Variants in PKD1 observed in about 807,000 individuals in gnomAD.
PKD1 encodes the protein polycystin 1, transient receptor potential channel interacting.
A neutral mutation model predicts 361.7 loss-of-function variants in PKD1; 81 were observed. That is an observed-to-expected ratio of 0.22 (90% confidence interval 0.19 to 0.27). The LOEUF is 0.27. PKD1 is among the 10% of genes least tolerant of loss of function. The probability of loss-of-function intolerance (pLI) is 1.00; values close to 1 mark genes in which losing one functional copy is unlikely to be tolerated. For missense variants in PKD1, 6,399 were observed against 6,118.3 expected (o/e 1.05, Z -1.53); for synonymous variants, 3,615 against 2,818.3 (o/e 1.28, Z -8.95).
At chr16:2,107,172 G>A (rs2092368102) in intron 16 of PKD1, 5 of 612,944 alleles carry the variant, frequency 8.2e-6, no homozygotes, top group South Asian at 5.4e-5. Flanking sequence ...GCGTTCTGGT[G>A]TACTGGACCC....
At position 2,090,269 on chromosome 16, in the gene PKD1, A is replaced by C; in HGVS notation, c.12444+16T>G. On this transcript the variant is annotated intron_variant, in intron 45 of 45. Coordinates refer to ENST00000262304, the MANE Select transcript of PKD1 (RefSeq NM_001009944.3). ...CCCAGGGCGTGTCCCTCTCCCCCCC[A>C]CTGGGCCGTACCCACCTCCTTGACC... is the stretch of plus-strand genomic sequence containing the variant. 1.2e-6 allele frequency: 2 copies of C among 1,606,784 alleles called. No individual in the cohort carries two copies. Among genetic ancestry groups the C allele is most frequent in the Non-Finnish European group, 1.7e-6 (2 of 1,176,050 alleles).
In PKD1 at chr16:2,090,509, G is replaced by T. The variant is rs772525046; in HGVS notation, c.12220C>A (p.Leu4074Met). 6.2e-7 allele frequency: 1 copy of T among 1,611,252 alleles called. No homozygotes were observed. The change falls in exon 45 of 46, where the codon CTG becomes ATG. Residue 4074 changes from leucine to methionine, a missense_variant. Physicochemically the swap from Leu to Met is conservative, Grantham distance 15. Transcript: ENST00000262304. ...VLCPGTGLST[L>M]CPAESWHLSP... is the part of the protein sequence containing the mutation. ...AGGTGCCAGGACTCGGCAGGACACA[G>T]GGTAGAGAGCCCAGTCCCAGGGCAC... is the stretch of plus-strand genomic sequence containing the variant.
chr16:2,116,007 G>A lies in PKD1; in HGVS notation c.1834C>T (p.Leu612Phe), dbSNP rs1300190211. 1.9e-6 allele frequency: 3 copies of A among 1,545,096 alleles called. No individual in the cohort carries two copies. The highest frequency in any genetic ancestry group is 2.6e-6 in the Non-Finnish European group (3 of 1,143,988). ...AGAGTCCCACCTGCTGTGCTGAGGA[G>A]CCGGTACACCTGCAGCCGCAGCTGG... ...PAQLRLQVYR[L>F]LSTAGTPENG... is the part of the protein sequence containing the mutation. The change falls in exon 9 of 46, where the codon CTC (leucine) becomes TTC (phenylalanine). Residue 612 changes from leucine to phenylalanine, a missense_variant. Physicochemically the swap from Leu to Phe is conservative, Grantham distance 22. Coordinates refer to ENST00000262304, the MANE Select transcript of PKD1 (RefSeq NM_001009944.3).
chr16:2,103,733 G>T lies in PKD1; in HGVS notation c.8324C>A (p.Thr2775Lys). 6.2e-7 allele frequency: 1 copy of T among 1,610,036 alleles called. No individual in the cohort carries two copies. Among genetic ancestry groups the T allele is most frequent in the South Asian group, 1.1e-5 (1 of 90,970 alleles). The change falls in exon 23 of 46, where the codon ACG (threonine) becomes AAG (lysine). Residue 2775 changes from threonine to lysine, a missense_variant. Thr to Lys is a moderately conservative substitution (Grantham distance 78). Coordinates refer to ENST00000262304, the MANE Select transcript of PKD1 (RefSeq NM_001009944.3). ...GGCCACGATCTCCTCGCCCGCCAGC[G>T]TCAGGGGCTCCTCGTTGAGCACGCG... is the stretch of plus-strand genomic sequence containing the variant. ...RSRVLNEEPL[T>K]LAGEEIVAQG...
chr16:2,109,354 T>TGGGAGAAACGGGGCCCG lies in PKD1; in HGVS notation c.5796_5812dup (p.His1938ProfsTer17). ...GTGGTCTCCGACGCGGGGGAAGCTGTGGGAGAAACGGGGCCCGGGGAGCAC... is the reference window on the plus strand; with the variant it reads ...GTGGTCTCCGACGCGGGGGAAGCTGTGGGAGAAACGGGGCCCGGGGAGAAACGGGGCCCGGGGAGCAC... On this transcript the variant is annotated frameshift_variant, in exon 15 of 46. Transcript: ENST00000262304. LOFTEE classifies it high-confidence loss of function. 1 of 1,591,820 alleles carries TGGGAGAAACGGGGCCCG rather than the reference T, an allele frequency of 6.3e-7. No homozygotes were observed. The highest frequency in any genetic ancestry group is 8.5e-7 in the Non-Finnish European group (1 of 1,173,462).
chr16:2,104,908 G>A (rs1489282101), intron 21 of PKD1, among the ~76,000 whole-genome samples: 1 of 68,704 alleles, frequency 1.5e-5, no homozygotes, highest in Non-Finnish European at 2.9e-5. Context: ...GAGAGGAGAG[G>A]GGAGTGGAGA....
rs1567201190 is a variant in PKD1 at position 2,111,015 on chromosome 16, G to A, written c.4152C>T (p.Thr1384=). 2.5e-6 allele frequency: 4 copies of A among 1,610,672 alleles called. No individual in the cohort carries two copies. Among genetic ancestry groups the A allele is most frequent in the East Asian group, 2.2e-5 (1 of 44,884 alleles). The change falls in exon 15 of 46, where the codon ACC becomes ACT. Residue 1384 remains threonine, a synonymous_variant. Transcript: ENST00000262304. ...GCACAAACTGCCTCTCTGGCTGCAG[G>A]GTGACGTTGCCCACCTCTGGCTCCA... ...ICVEPEVGNV[T]LQPERQFVQL...
In PKD1 at chr16:2,110,103, G is replaced by C. The variant is rs377662680; in HGVS notation, c.5064C>G (p.Leu1688=). Residue 1688 remains leucine (L), a synonymous_variant, in exon 15 of 46, where the codon CTC becomes CTG. Transcript: ENST00000262304. ...GSGKGFSLTV[L]EAGTYHVQLR... ...GCTGCACATGGTAGGTGCCGGCCTCGAGCACGGTGAGCGAGAAGCCTTTGC... is the reference window on the plus strand; with the variant it reads ...GCTGCACATGGTAGGTGCCGGCCTCCAGCACGGTGAGCGAGAAGCCTTTGC... 1 of 1,609,466 alleles carries C rather than the reference G, an allele frequency of 6.2e-7. No homozygotes were observed. Among genetic ancestry groups the C allele is most frequent in the Non-Finnish European group, 8.5e-7 (1 of 1,179,314 alleles).
Position 2,099,888 on chromosome 16 carries a change from T to A in PKD1, c.9896A>T (p.Tyr3299Phe). The change falls in exon 29 of 46, where the codon TAC (tyrosine) becomes TTC (phenylalanine). Residue 3299 changes from tyrosine to phenylalanine, a missense_variant. Physicochemically the swap from Tyr to Phe is conservative, Grantham distance 22 (BLOSUM62 3). Coordinates refer to ENST00000262304, the MANE Select transcript of PKD1 (RefSeq NM_001009944.3). ...GTAGGCAGAGTCGCCAACAGCCCCG[T>A]ACCACACGGCGTTGGCGCCCAGGAA... The part of the protein sequence containing the change: ...CLFLGANAVW[Y>F]GAVGDSAYST... 1 of 1,566,688 alleles carries A rather than the reference T, an allele frequency of 6.4e-7. No homozygotes were observed. The highest frequency in any genetic ancestry group is 8.6e-7 in the Non-Finnish European group (1 of 1,157,192).
chr16:2,123,832 G>A (rs1447699421), intron 1 of PKD1, among the ~76,000 whole-genome samples: 1 of 152,218 alleles, frequency 6.6e-6, no homozygotes, highest in Non-Finnish European at 1.5e-5. Flanking sequence ...AGGTGCACAG[G>A]GACAGCCTGA....
Position 2,109,317 on chromosome 16 carries a change from C to T in PKD1, c.5850G>A (p.Val1950=). ...CCCAGCTCACGTGGTTTTTGCCCCG[C>T]ACGCTCACCACGTGGTCTCCGACGC... ...FPRVGDHVVS[V]RGKNHVSWAQ... The change falls in exon 15 of 46, where the codon GTG becomes GTA. Residue 1950 remains valine, a synonymous_variant. Coordinates refer to ENST00000262304, the MANE Select transcript of PKD1 (RefSeq NM_001009944.3). The T allele has an allele frequency of 6.3e-7, 1 of 1,587,436 alleles. No individual in the cohort carries two copies. Among genetic ancestry groups the T allele is most frequent in the Non-Finnish European group, 8.5e-7 (1 of 1,170,520 alleles).
intron 42 of PKD1, 62 bp from the exon 43 acceptor site, chr16:2,091,236 G>T (rs1288111819): frequency 1.3e-6 from 1 of 741,736 alleles, no homozygotes; most frequent in African/African-American, 2.2e-5. Flanking sequence ...CTGCGAGGGG[G>T]CGGGACGCTG....
intron 16 of PKD1, chr16:2,107,632 C>G (rs1335333078): frequency 1.7e-6 from 1 of 583,062 alleles, no homozygotes; most frequent in African/African-American, 1.9e-5. Context: ...CTCTTCCTCA[C>G]TGTTGGTATT....
Position 2,090,706 on chromosome 16 carries a change from G to C in PKD1, c.12106C>G (p.Leu4036Val). The stretch of plus-strand genomic sequence containing the variant: ...GCCAGCTGGGCGTAGGCTACCCCGA[G>C]CACCACCAGGCCCAAGGTGACCCCC... ...LLGVTLGLVV[L>V]GVAYAQLAIL... is the part of the protein sequence containing the mutation. Residue 4036 changes from leucine (L) to valine (V), a missense_variant, in exon 44 of 46, where the codon CTC (leucine) becomes GTC (valine). By Grantham distance (32) the Leu-to-Val change is conservative (BLOSUM62 1). Coordinates refer to ENST00000262304, the MANE Select transcript of PKD1 (RefSeq NM_001009944.3). The C allele has an allele frequency of 2.5e-6, 4 of 1,612,392 alleles. No individual in the cohort carries two copies. Among genetic ancestry groups the C allele is most frequent in the Non-Finnish European group, 2.5e-6 (3 of 1,179,932 alleles).
Position 2,110,430 on chromosome 16 carries a change from G to A in PKD1, c.4737C>T (p.Arg1579=), listed in dbSNP as rs765027813. The stretch of plus-strand genomic sequence containing the variant: ...AGCGGTCACAGAGCACCCAGGAATA[G>A]CGCACATCACTGCCGGCCTCCAGCG... The part of the protein sequence containing the change: ...STSLEAGSDV[R]YSWVLCDRCT... The change falls in exon 15 of 46, where the codon CGC becomes CGT. Residue 1579 remains arginine, a synonymous_variant. Transcript: ENST00000262304. 10 of 1,612,480 alleles carry A rather than the reference G, an allele frequency of 6.2e-6. No individual in the cohort carries two copies. In the African/African-American group the frequency reaches 1.2e-4, roughly 19 times the overall value.
At chr16:2,126,036 G>A (rs969161610) in intron 1 of PKD1, among the ~76,000 whole-genome samples, 27 of 151,854 alleles carry the variant, frequency 1.8e-4, no homozygotes, top group African/African-American at 5.1e-4. Flanking sequence ...GGCCATCTGC[G>A]CCCGGCTGTG....
rs1193307469 is a variant in PKD1, at chr16:2,110,137, G to T, written c.5030C>A (p.Ala1677Asp). 5 of 1,609,522 alleles carry T rather than the reference G, an allele frequency of 3.1e-6. No homozygotes were observed. Among genetic ancestry groups the T allele is most frequent in the Middle Eastern group, 2.2e-4 (1 of 4,564 alleles). Reference protein sequence around the residue: ...TAWRDRGPALAGSGKGFSLTV... With the variant: ...TAWRDRGPALDGSGKGFSLTV... ...GAGCGAGAAGCCTTTGCCGCTGCCG[G>T]CCAGGGCCGGGCCCCTGTCCCTCCA... Residue 1677 changes from alanine to aspartate, a missense_variant, in exon 15 of 46, where the codon GCC becomes GAC. Transcript: ENST00000262304.
intron 43 of PKD1, 32 bp downstream of exon 43, chr16:2,090,851 GC>G: frequency 6.2e-7 from 1 of 1,609,006 alleles, no homozygotes. Context: ...TGGGGTGTGC[GC>G]CCAGCCCCGC....
At position 2,092,972 on chromosome 16, in the gene PKD1, G is replaced by A; in HGVS notation, c.11138C>T (p.Ala3713Val). The A allele has an allele frequency of 6.2e-7, 1 of 1,612,996 alleles. No homozygotes were observed. Among genetic ancestry groups the A allele is most frequent in the Non-Finnish European group, 8.5e-7 (1 of 1,180,008 alleles). The change falls in exon 38 of 46, where the codon GCC (alanine) becomes GTC (valine). Residue 3713 changes from alanine to valine, a missense_variant. By Grantham distance (64) the Ala-to-Val change is moderately conservative. Transcript: ENST00000262304. ...CCCGTACCGCGTGATGGCCAGGAAG[G>A]CCCGGCTGTGCAGCTCCTGCTTGAT... ...SAIKQELHSR[A>V]FLAITRSEEL...
Sources: allele counts gnomAD v4.1 joint callset (sites outside exome capture counted in the v4.1 genomes callset), GRCh38; gene constraint gnomAD v4.1.1; transcripts MANE v1.5; gene names NCBI Gene and HGNC (gene_info 2026-07-23, HGNC 2026-07-21).